MEI4: variants seen among roughly 807,000 people sequenced by gnomAD.
MEI4 encodes meiosis-specific protein MEI4.
In MEI4, 27 loss-of-function variants were observed where a neutral mutation model predicts 31.4. That is an observed-to-expected ratio of 0.86 (90% confidence interval 0.63 to 1.19). The LOEUF (loss-of-function observed/expected upper bound fraction) is 1.19, where lower values mean the gene tolerates loss of function less well. Ranked by LOEUF, MEI4 falls within the 50% of genes most tolerant of loss-of-function variation. The probability of loss-of-function intolerance (pLI) is 0.00; values close to 1 mark genes in which losing one functional copy is unlikely to be tolerated. For synonymous variants in MEI4, 122 were observed against 145.4 expected, an observed-to-expected ratio of 0.84 and a Z score of 1.16; for missense variants, 329 against 398.9, an observed-to-expected ratio of 0.82 and a Z score of 1.49.
intron 2 of MEI4, among the ~76,000 whole-genome samples, chr6:77,712,561 A>T (rs1766490787): frequency 6.6e-6 from 1 of 152,246 alleles, no homozygotes; most frequent in Non-Finnish European, 1.5e-5. Flanking sequence ...TTAGAATGCC[A>T]TGCTTAATAT....
upstream of MEI4, among the ~76,000 whole-genome samples, chr6:77,652,834 CA>C (rs1349433386): frequency 6.6e-6 from 1 of 152,136 alleles, no homozygotes; most frequent in African/African-American, 2.4e-5. Flanking sequence ...GGCCCATAGA[CA>C]TCAAACAACT....
chr6:77,875,242 A>G (rs1771305100), intron 4 of MEI4, among the ~76,000 whole-genome samples: 1 of 152,184 alleles, frequency 6.6e-6, no homozygotes, highest in African/African-American at 2.4e-5. Context: ...ATATGCATGC[A>G]TATGTATGTT....
chr6:77,815,889 G>GA lies in MEI4; in HGVS notation c.769-13031dup, dbSNP rs1209976307. Reference sequence around the variant, plus strand: ...AACATGACTTGAATCCTTAGACCAAGAAAAAAAAAAACCAAAACAACAACA... The same window carrying GA: ...AACATGACTTGAATCCTTAGACCAAGAAAAAAAAAAAACCAAAACAACAACA... On this transcript the variant is annotated intron_variant, in intron 3 of 4. Transcript: ENST00000684080. Among the ~76,000 whole-genome samples the GA allele has an allele frequency of 4.1e-3, 570 of 139,888 alleles. 2 individuals are homozygous for GA. Among genetic ancestry groups the GA allele is most frequent in the African/African-American group, 0.012 (475 of 38,786 alleles). The allele number at this position is 139,888 out of a possible 152,430, so 91.8% of individuals were successfully genotyped here.
intron 4 of MEI4, among the ~76,000 whole-genome samples, chr6:77,882,419 C>A (rs539244721): frequency 6.6e-6 from 1 of 152,262 alleles, no homozygotes; most frequent in Non-Finnish European, 1.5e-5. Flanking sequence ...TAGTTATATT[C>A]TTGGAGGCAA....
chr6:77,751,108 A>T (rs985990020), intron 2 of MEI4, among the ~76,000 whole-genome samples: 1 of 152,190 alleles, frequency 6.6e-6, no homozygotes, highest in Non-Finnish European at 1.5e-5. Context: ...TCTGAGACAC[A>T]TTTAAAACAG....
intron 2 of MEI4, among the ~76,000 whole-genome samples, chr6:77,729,996 T>A (rs74489820): frequency 0.029 from 4,467 of 151,800 alleles, 233 homozygotes; most frequent in African/African-American, 0.1. Flanking sequence ...ATGTGAGCAA[T>A]TGGAACTCTG....
At chr6:77,812,341 TTAAA>T (rs1769592328) in intron 3 of MEI4, among the ~76,000 whole-genome samples, 1 of 152,046 alleles carries the variant, frequency 6.6e-6, no homozygotes. Flanking sequence ...GAAAAAAAGT[TTAAA>T]TATGCAAAAT....
chr6:77,843,133 G>C (rs918863432), intron 4 of MEI4, among the ~76,000 whole-genome samples: 5 of 150,286 alleles, frequency 3.3e-5, no homozygotes, highest in Middle Eastern at 3.6e-3. Context: ...TCAAAATGTA[G>C]AGTACAGTGA....
At chr6:77,743,427 G>A (rs565256844) in intron 2 of MEI4, among the ~76,000 whole-genome samples, 2 of 152,150 alleles carry the variant, frequency 1.3e-5, no homozygotes, top group Admixed American at 6.5e-5. Context: ...CTGTTTGTCT[G>A]TTATTGGTGT....
At chr6:77,811,049 C>T (rs1238298589) in intron 3 of MEI4, among the ~76,000 whole-genome samples, 10 of 152,182 alleles carry the variant, frequency 6.6e-5, no homozygotes, top group Admixed American at 6.6e-4. Flanking sequence ...TTTCTTTTAA[C>T]ATTTGATTAA....
intron 3 of MEI4, among the ~76,000 whole-genome samples, chr6:77,783,618 A>T (rs867010739): frequency 1.4e-5 from 2 of 147,244 alleles, no homozygotes; most frequent in African/African-American, 5.2e-5. Context: ...ATATAAGATC[A>T]ATTTTAGTCC....
Position 77,682,450 on chromosome 6 carries a change from A to G in MEI4, c.-14-8208A>G, listed in dbSNP as rs1285679754. 4.6e-5 allele frequency among the ~76,000 whole-genome samples: 7 copies of G among 152,228 alleles called. No homozygotes were observed. The East Asian group carries it at 5.8e-4, about 13-fold the overall frequency. ...GTTTAAGGTTATACTGTAGAAGGGC[A>G]TAGTTTGGAGAGAGTAGACTCAGTG... is the stretch of plus-strand genomic sequence containing the variant. On this transcript the variant is annotated intron_variant, in intron 1 of 4. Transcript: ENST00000684080.
intron 3 of MEI4, among the ~76,000 whole-genome samples, chr6:77,763,821 CTT>C (rs910699700): frequency 2.7e-5 from 4 of 149,188 alleles, no homozygotes; most frequent in Non-Finnish European, 4.5e-5. Flanking sequence ...TGTTGGGAGA[CTT>C]TTTTTTTTCT....
chr6:77,831,738 C>A (rs149039046), intron 4 of MEI4, among the ~76,000 whole-genome samples: 1 of 151,550 alleles, frequency 6.6e-6, no homozygotes, highest in Non-Finnish European at 1.5e-5. Context: ...GAGTAAATCA[C>A]GGTTACCAGA....
intron 2 of MEI4, among the ~76,000 whole-genome samples, chr6:77,729,359 G>A (rs1277563431): frequency 1.3e-5 from 2 of 152,146 alleles, no homozygotes; most frequent in African/African-American, 4.8e-5. Context: ...GGCATAAATG[G>A]GTTATTAAAA....
At chr6:77,749,196 C>G (rs7750862) in intron 2 of MEI4, among the ~76,000 whole-genome samples, 122 of 151,940 alleles carry the variant, frequency 8.0e-4, no homozygotes, top group African/African-American at 2.8e-3. Context: ...GATTCCAAAA[C>G]CCAGAACACC....
chr6:77,845,950 A>T (rs767698290), intron 4 of MEI4, among the ~76,000 whole-genome samples: 1 of 150,878 alleles, frequency 6.6e-6, no homozygotes, highest in African/African-American at 2.4e-5. Flanking sequence ...AAGACCAGTC[A>T]TTGTGGGGTT....
At chr6:77,673,487 C>T (rs963156751) in intron 1 of MEI4, among the ~76,000 whole-genome samples, 1 of 152,026 alleles carries the variant, frequency 6.6e-6, no homozygotes, top group Non-Finnish European at 1.5e-5. Context: ...CAGGCCCTCT[C>T]TTCTGAAGGC....
At chr6:77,892,726 A>G (rs1018910172) in intron 4 of MEI4, among the ~76,000 whole-genome samples, 4 of 152,132 alleles carry the variant, frequency 2.6e-5, no homozygotes, top group African/African-American at 4.8e-5. Flanking sequence ...AGCTGGCCTT[A>G]TGTCACTGCA....
Sources: gnomAD v4.1 joint callset for allele counts (sites outside exome capture counted in the v4.1 genomes callset) on GRCh38, gnomAD v4.1.1 for gene constraint, MANE v1.5 for transcripts, NCBI Gene and HGNC (gene_info 2026-07-23, HGNC 2026-07-21) for gene names.